The following STK32B variants were observed in gnomAD, a reference collection of about 807,000 sequenced individuals.
STK32B encodes serine/threonine kinase 32B.
A neutral mutation model predicts 52.6 loss-of-function variants in STK32B; 43 were observed. That is an observed-to-expected ratio of 0.82 (90% CI 0.64 to 1.05). The LOEUF (loss-of-function observed/expected upper bound fraction) is 1.05, where lower values mean the gene tolerates loss of function less well. STK32B is among the 50% of genes least tolerant of loss of function. The pLI is 0.00. For missense variants in STK32B, 621 were observed against 534.6 expected, an observed-to-expected ratio of 1.16 and a Z score of -1.59; for synonymous variants, 238 against 204.3, an observed-to-expected ratio of 1.17 and a Z score of -1.41.
At chr4:5,027,670 C>T in the STK32B span, among the ~76,000 whole-genome samples, 1 of 152,272 alleles carries the variant, frequency 6.6e-6, no homozygotes, top group African/African-American at 2.4e-5. Context: ...AACCCTGTTC[C>T]ATAATCCCAT....
intron 1 of STK32B, among the ~76,000 whole-genome samples, chr4:5,131,032 C>T (rs78779144): frequency 0.11 from 16,623 of 152,194 alleles, 1,164 homozygotes; most frequent in Admixed American, 0.24. Flanking sequence ...CACCCGTCAC[C>T]CCCTTTTGAT....
chr4:5,341,752 G>T (rs1733096548), intron 4 of STK32B, among the ~76,000 whole-genome samples: 1 of 152,180 alleles, frequency 6.6e-6, no homozygotes, highest in Non-Finnish European at 1.5e-5. Flanking sequence ...TTCTGGGGAG[G>T]CCTCAGGAAA....
At position 5,395,587 on chromosome 4, in the gene STK32B, T is replaced by C. The variant is rs1003309800; in HGVS notation, c.435-2620T>C. Among the ~76,000 whole-genome samples the C allele has an allele frequency of 6.6e-6, 1 of 152,224 alleles. No individual in the cohort carries two copies. Among genetic ancestry groups the C allele is most frequent in the East Asian group, 1.9e-4 (1 of 5,190 alleles). ...TCATGTGCCTTCTGGTGTGCCTCTC[T>C]TCCTAGAATGCAAGCTCCATTCAGT... is the stretch of plus-strand genomic sequence containing the variant. On this transcript the variant is annotated intron_variant, in intron 4 of 11. Coordinates refer to ENST00000282908, the MANE Select transcript of STK32B (RefSeq NM_018401.3). The surrounding 1 kb of genome is among the most constrained non-coding windows in gnomAD (Gnocchi z 4.4).
chr4:5,150,701 A>G (rs947006661), intron 2 of STK32B, among the ~76,000 whole-genome samples: 4 of 151,468 alleles, frequency 2.6e-5, no homozygotes, highest in African/African-American at 7.3e-5. Context: ...CCTCTTGGAT[A>G]CTCTTGGAGT....
Position 5,215,502 on chromosome 4 carries a change from G to C in STK32B, c.260+47052G>C, listed in dbSNP as rs150128085. 2.1e-3 allele frequency among the ~76,000 whole-genome samples: 317 copies of C among 152,278 alleles called. 1 individual carries two copies. Among genetic ancestry groups the C allele is most frequent in the African/African-American group, 7.3e-3 (302 of 41,544 alleles). ...AACAATTTCCTTTTGATTTCCAATAGAGGCAGTGTCTCCTCTTTAAGTCTC... is the reference window on the plus strand; with the variant it reads ...AACAATTTCCTTTTGATTTCCAATACAGGCAGTGTCTCCTCTTTAAGTCTC... On this transcript the variant is annotated intron_variant, in intron 3 of 11. Coordinates refer to ENST00000282908, the MANE Select transcript of STK32B (RefSeq NM_018401.3).
Position 5,363,552 on chromosome 4 carries a change from C to CT in STK32B, c.434+32167dup, listed in dbSNP as rs961533719. On this transcript the variant is annotated intron_variant, in intron 4 of 11. Coordinates refer to ENST00000282908, the MANE Select transcript of STK32B (RefSeq NM_018401.3). ...AGCTCAGTTACTAAGCCTGACATTG[C>CT]TTTTTTTTAGAAATTACAGGGCTTG... 2.0e-4 allele frequency among the ~76,000 whole-genome samples: 30 copies of CT among 152,006 alleles called. No individual in the cohort carries two copies. The East Asian group carries it at 2.3e-3, about 12-fold the overall frequency.
intron 3 of STK32B, among the ~76,000 whole-genome samples, chr4:5,314,304 C>G (rs190429843): frequency 6.6e-6 from 1 of 152,180 alleles, no homozygotes; most frequent in African/African-American, 2.4e-5. Context: ...AGGATAGCTT[C>G]TTCAACAAAT....
chr4:5,164,063 G>T (rs1718668859), intron 2 of STK32B, among the ~76,000 whole-genome samples: 2 of 152,206 alleles, frequency 1.3e-5, no homozygotes, highest in African/African-American at 4.8e-5. Context: ...AGAGTGTTTG[G>T]CCAGGTTATT....
chr4:5,172,431 T>C (rs1485952305), intron 3 of STK32B, among the ~76,000 whole-genome samples: 1 of 152,058 alleles, frequency 6.6e-6, no homozygotes, highest in Non-Finnish European at 1.5e-5. Context: ...TTCAGTATGA[T>C]ATTGGCTGTG....
intron 3 of STK32B, among the ~76,000 whole-genome samples, chr4:5,178,494 G>A (rs950520599): frequency 1.3e-5 from 2 of 152,168 alleles, no homozygotes; most frequent in Admixed American, 1.3e-4. Context: ...TCAGCATTTG[G>A]CTCCTCATTA....
chr4:5,062,872 G>T (rs976820759), intron 1 of STK32B, among the ~76,000 whole-genome samples: 1 of 152,134 alleles, frequency 6.6e-6, no homozygotes, highest in Admixed American at 6.6e-5. Flanking sequence ...GTATAATTTG[G>T]TGTTTTCACT....
At chr4:5,219,101 C>T (rs1466252537) in intron 3 of STK32B, among the ~76,000 whole-genome samples, 2 of 152,190 alleles carry the variant, frequency 1.3e-5, no homozygotes, top group African/African-American at 4.8e-5. Context: ...CTTGTGAATG[C>T]TGCGTCTTTT....
chr4:5,463,030 GT>G (rs1717157338), intron 9 of STK32B, among the ~76,000 whole-genome samples: 1 of 152,208 alleles, frequency 6.6e-6, no homozygotes, highest in Non-Finnish European at 1.5e-5. Flanking sequence ...CTGCACCCTA[GT>G]TCTTCACAGA....
At chr4:5,442,789 A>G (rs1577506503) in intron 6 of STK32B, among the ~76,000 whole-genome samples, 1 of 152,102 alleles carries the variant, frequency 6.6e-6, no homozygotes, top group African/African-American at 2.4e-5. Flanking sequence ...AGCTCTTGTA[A>G]GGCAGGCCTG....
At chr4:5,134,705 A>G (rs1280826495) in intron 1 of STK32B, among the ~76,000 whole-genome samples, 2 of 152,186 alleles carry the variant, frequency 1.3e-5, no homozygotes, top group African/African-American at 4.8e-5. Context: ...ACCCATGTGC[A>G]AACTTGTGCC....
chr4:5,181,339 C>T (rs1167919570), intron 3 of STK32B, among the ~76,000 whole-genome samples: 12 of 137,152 alleles, frequency 8.7e-5, no homozygotes, highest in Admixed American at 6.6e-4. Context: ...GACACACACA[C>T]ACACACACAC....
At chr4:5,220,790 G>C (rs936449817) in intron 3 of STK32B, among the ~76,000 whole-genome samples, 2 of 152,154 alleles carry the variant, frequency 1.3e-5, no homozygotes, top group Non-Finnish European at 2.9e-5. Flanking sequence ...GAGGCAGGGA[G>C]GTCGTGAGAT....
chr4:5,298,201 C>T (rs1350925715), intron 3 of STK32B, among the ~76,000 whole-genome samples: 2 of 152,162 alleles, frequency 1.3e-5, no homozygotes, highest in African/African-American at 4.8e-5. Context: ...CTGGAGCTCT[C>T]CTGTATAAGG....
intron 3 of STK32B, among the ~76,000 whole-genome samples, chr4:5,328,846 A>G (rs759646297): frequency 1.6e-4 from 25 of 152,142 alleles, no homozygotes; most frequent in Non-Finnish European, 3.1e-4. Flanking sequence ...TGTATTACTT[A>G]CATGCTCCTC....
Sources: allele counts gnomAD v4.1 joint callset (sites outside exome capture counted in the v4.1 genomes callset), GRCh38; gene constraint gnomAD v4.1.1; non-coding constraint Gnocchi (gnomAD v3.1); transcripts MANE v1.5; gene names NCBI Gene and HGNC (gene_info 2026-07-23, HGNC 2026-07-21).